FAM53A: variants seen among roughly 807,000 people sequenced by gnomAD.
FAM53A encodes protein FAM53A.
In FAM53A, 28 loss-of-function variants were observed where a neutral mutation model predicts 26.6. The observed-to-expected ratio is 1.05, with a 90% CI of 0.78 to 1.45. The LOEUF (loss-of-function observed/expected upper bound fraction) is 1.45, where lower values mean the gene tolerates loss of function less well. Among genes scored for constraint, FAM53A ranks in the 40% most tolerant of loss-of-function variants. The probability of loss-of-function intolerance (pLI) is 0.00; values close to 1 mark genes in which losing one functional copy is unlikely to be tolerated. For missense variants in FAM53A, 650 were observed against 575.8 expected (o/e 1.13, Z -1.32); for synonymous variants, 290 against 253.1 (o/e 1.15, Z -1.38).
chr4:1,610,063 G>GCC, the FAM53A span, among the ~76,000 whole-genome samples: 1 of 151,438 alleles, frequency 6.6e-6, no homozygotes, highest in South Asian at 2.1e-4. Flanking sequence ...CTTTGTGGCG[G>GCC]CCCCCGAGAT....
chr4:1,611,010 C>T, the FAM53A span, among the ~76,000 whole-genome samples: 11 of 152,232 alleles, frequency 7.2e-5, no homozygotes, highest in African/African-American at 1.4e-4. Flanking sequence ...GTTGCACGGA[C>T]GTGGGCTGGA....
chr4:1,599,094 G>A, the FAM53A span, among the ~76,000 whole-genome samples: 4 of 150,580 alleles, frequency 2.7e-5, no homozygotes, highest in Non-Finnish European at 4.4e-5. This position sits in a 1 kb window ranked among gnomAD's most constrained non-coding sequence, Gnocchi z 6.1. Context: ...GTGCCGGAGC[G>A]CAGGGCCGTC....
intron 1 of FAM53A, among the ~76,000 whole-genome samples, chr4:1,622,937 G>C (rs966183830): frequency 5.3e-5 from 8 of 152,242 alleles, no homozygotes. Flanking sequence ...CTCACGCTTT[G>C]CCTGGGCCTC....
chr4:1,642,905 G>A (rs917848963), intron 4 of FAM53A, among the ~76,000 whole-genome samples: 1 of 152,226 alleles, frequency 6.6e-6, no homozygotes, highest in Non-Finnish European at 1.5e-5. Context: ...GGCCACGCCT[G>A]CAGGGCACAG....
chr4:1,679,578 C>T (rs1715267860), intron 1 of FAM53A, among the ~76,000 whole-genome samples: 1 of 149,500 alleles, frequency 6.7e-6, no homozygotes, highest in African/African-American at 2.5e-5. Flanking sequence ...CCCAGCTACT[C>T]GGGAGGCTGA....
chr4:1,595,506 C>T, the FAM53A span, among the ~76,000 whole-genome samples: 2 of 152,186 alleles, frequency 1.3e-5, no homozygotes, highest in Non-Finnish European at 2.9e-5. Context: ...ACTGACACTA[C>T]GTGGCTGGTG....
the FAM53A span, among the ~76,000 whole-genome samples, chr4:1,590,388 G>A: frequency 3.3e-5 from 5 of 152,128 alleles, no homozygotes; most frequent in East Asian, 9.6e-4. Context: ...TGATAAGAAA[G>A]CCCGGGTGCT....
chr4:1,661,256 C>A (rs1713812112), intron 2 of FAM53A, among the ~76,000 whole-genome samples: 1 of 152,142 alleles, frequency 6.6e-6, no homozygotes, highest in Admixed American at 6.5e-5. Flanking sequence ...GGAACCTCCA[C>A]CTGGCTGACT....
At chr4:1,621,400 G>T (rs542774079) in intron 1 of FAM53A, among the ~76,000 whole-genome samples, 2 of 152,094 alleles carry the variant, frequency 1.3e-5, no homozygotes, top group African/African-American at 2.4e-5. Context: ...CACCGCGCCC[G>T]GTCAGTCGGC....
At chr4:1,623,294 C>T (rs1374333240) in intron 1 of FAM53A, among the ~76,000 whole-genome samples, 1 of 152,048 alleles carries the variant, frequency 6.6e-6, no homozygotes, top group Admixed American at 6.5e-5. Flanking sequence ...CCGTCCTGGG[C>T]AGCACCTTCC....
intron 4 of FAM53A, among the ~76,000 whole-genome samples, chr4:1,643,616 G>T (rs1356667138): frequency 4.0e-5 from 6 of 149,388 alleles, no homozygotes; most frequent in Non-Finnish European, 8.9e-5. Context: ...TCCCAGGCTG[G>T]AGTGCAGAGG....
intron 4 of FAM53A, among the ~76,000 whole-genome samples, chr4:1,643,536 G>T (rs1711950049): frequency 6.6e-6 from 1 of 151,142 alleles, no homozygotes. Flanking sequence ...TATAAAAAGT[G>T]AATCACTGAG....
At chr4:1,596,670 G>C in the FAM53A span, among the ~76,000 whole-genome samples, 1 of 152,226 alleles carries the variant, frequency 6.6e-6, no homozygotes, top group Non-Finnish European at 1.5e-5. Flanking sequence ...GCCCGCCGCG[G>C]GCTGCTGTGG....
At chr4:1,615,975 C>T (rs1000496879), downstream of FAM53A, among the ~76,000 whole-genome samples, 1 of 152,176 alleles carries the variant, frequency 6.6e-6, no homozygotes, top group African/African-American at 2.4e-5. Flanking sequence ...ACCAACCTGC[C>T]ACAGCTCAAG....
At chr4:1,604,126 G>T in the FAM53A span, among the ~76,000 whole-genome samples, 1 of 152,196 alleles carries the variant, frequency 6.6e-6, no homozygotes, top group Non-Finnish European at 1.5e-5. Context: ...CTAAACATTT[G>T]GGGTGGACAG....
At chr4:1,672,070 C>T (rs977013722) in intron 1 of FAM53A, among the ~76,000 whole-genome samples, 3 of 104,114 alleles carry the variant, frequency 2.9e-5, no homozygotes, top group African/African-American at 9.8e-5. Flanking sequence ...CATGGACCCA[C>T]AGACCCAGAA....
chr4:1,598,015 A>G, the FAM53A span, among the ~76,000 whole-genome samples: 1 of 152,244 alleles, frequency 6.6e-6, no homozygotes, highest in Non-Finnish European at 1.5e-5. Flanking sequence ...ACCTTGGCGG[A>G]ATGACCTCAT....
chr4:1,579,282 G>A, the FAM53A span, among the ~76,000 whole-genome samples: 1 of 150,850 alleles, frequency 6.6e-6, no homozygotes, highest in African/African-American at 2.4e-5. Flanking sequence ...CCTGCTGGGC[G>A]CCCCCTGGTG....
the FAM53A span, among the ~76,000 whole-genome samples, chr4:1,587,841 C>T: frequency 1.3e-5 from 2 of 152,134 alleles, no homozygotes; most frequent in African/African-American, 4.8e-5. Flanking sequence ...TGTTTTAATA[C>T]ATTTTATAAC....
Sources: gnomAD v4.1 joint callset for allele counts (sites outside exome capture counted in the v4.1 genomes callset) on GRCh38, gnomAD v4.1.1 for gene constraint, Gnocchi (gnomAD v3.1) non-coding constraint, MANE v1.5 for transcripts, NCBI Gene and HGNC (gene_info 2026-07-23, HGNC 2026-07-21) for gene names.